Variants in CLDND1 observed in about 807,000 individuals in gnomAD.
CLDND1 encodes claudin domain-containing protein 1.
Under a neutral mutation model 26.3 loss-of-function variants are expected in CLDND1, and 13 were observed. The observed-to-expected ratio is 0.49, with a 90% CI of 0.32 to 0.78. The LOEUF is 0.78. Among genes scored for constraint, CLDND1 ranks in the 30% least tolerant of loss-of-function variants. The pLI is 0.03. For synonymous variants in CLDND1, 107 were observed against 107.0 expected (o/e 1.00, Z 0.00); for missense variants, 289 against 312.8 (o/e 0.92, Z 0.57).
At position 98,516,309 on chromosome 3, in the gene CLDND1, T is replaced by TA. The variant is rs1706134809; in HGVS notation, c.*349dup. 16 of 1,060,712 alleles carry TA rather than the reference T, an allele frequency of 1.5e-5. No homozygotes were observed. The highest frequency in any genetic ancestry group is 1.7e-5 in the Non-Finnish European group (15 of 877,166). 65.7% of individuals were successfully genotyped at this position (1,060,712 alleles called of 1,614,324 possible). Reference sequence around the variant, plus strand: ...AATATAGAGTTTTTAGTTGAACAGATACAGTTACTTTAGTTTTACTGAAAA... The same window carrying TA: ...AATATAGAGTTTTTAGTTGAACAGATAACAGTTACTTTAGTTTTACTGAAAA... On this transcript the variant is annotated 3_prime_UTR_variant, in exon 5 of 5. Transcript: ENST00000341181.
rs1004491109 is a variant in CLDND1 at position 98,515,766 on chromosome 3, T to C, written c.*893A>G. The C allele has an allele frequency of 7.8e-7, 1 of 1,289,826 alleles. No individual in the cohort carries two copies. The allele number at this position is 1,289,826 out of a possible 1,614,324, so 79.9% of individuals were successfully genotyped here. A position where few individuals can be genotyped will look rare whatever the true frequency, so the allele number is the denominator to read the frequency against. On this transcript the variant is annotated 3_prime_UTR_variant, in exon 5 of 5. Transcript: ENST00000341181. ...GGAGGTTAATGGACAGCCAGAACTT[T>C]AGATCTTGTGGTAGGTTTCCCAGCT...
In CLDND1 at chr3:98,516,287, A is replaced by G. The variant is rs941545567; in HGVS notation, c.*372T>C. On this transcript the variant is annotated 3_prime_UTR_variant, in exon 5 of 5. Transcript: ENST00000341181. The stretch of plus-strand genomic sequence containing the variant: ...TGAGAGGTTTCCCAAAGAAACTAAT[A>G]TAGAGTTTTTAGTTGAACAGATACA... 1 of 1,038,840 alleles carries G rather than the reference A, an allele frequency of 9.6e-7. No homozygotes were observed. The highest frequency in any genetic ancestry group is 1.7e-5 in the African/African-American group (1 of 57,952). 64.4% of individuals were successfully genotyped at this position (1,038,840 alleles called of 1,614,324 possible). A position where few individuals can be genotyped will look rare whatever the true frequency, so the allele number is the denominator to read the frequency against.
intron 1 of CLDND1, 101 bp from the exon 2 acceptor site, chr3:98,521,543 C>T (rs1041890438): frequency 1.4e-6 from 2 of 1,455,462 alleles, no homozygotes; most frequent in Non-Finnish European, 1.9e-6. Flanking sequence ...AATTCCCCAT[C>T]CCTTCGTACA....
chr3:98,520,594 C>T (rs1381994714), intron 2 of CLDND1: 1 of 150,886 alleles, frequency 6.6e-6, no homozygotes, highest in Non-Finnish European at 1.5e-5. Flanking sequence ...TTCTGTAATA[C>T]AAATTTCTTA....
chr3:98,521,015 A>C (rs1706384442), intron 2 of CLDND1, 118 bp downstream of exon 2: 2 of 837,468 alleles, frequency 2.4e-6, no homozygotes, highest in Non-Finnish European at 3.8e-6. Context: ...TACACGATTT[A>C]TTTCTTTAAG....
Position 98,515,624 on chromosome 3 carries a change from CATACTT to C in CLDND1, c.*1029_*1034del, listed in dbSNP as rs1025013817. On this transcript the variant is annotated 3_prime_UTR_variant, in exon 5 of 5. Transcript: ENST00000341181. ...TTTTTTAAAGTTCAATGTTTATAGA[CATACTT>C]ATAAAAAAATGACTGAATTAGAAGA... 1 of 1,121,410 alleles carries C rather than the reference CATACTT, an allele frequency of 8.9e-7. No homozygotes were observed. The highest frequency in any genetic ancestry group is 1.1e-6 in the Non-Finnish European group (1 of 896,432). 69.5% of individuals were successfully genotyped at this position (1,121,410 alleles called of 1,614,324 possible). A position where few individuals can be genotyped will look rare whatever the true frequency, so the allele number is the denominator to read the frequency against.
At chr3:98,520,184 A>G (rs2107152699) in intron 2 of CLDND1, among the ~76,000 whole-genome samples, 1 of 152,310 alleles carries the variant, frequency 6.6e-6, no homozygotes, top group South Asian at 2.1e-4. Context: ...CATGCAATAA[A>G]TTATTTGTTT....
At chr3:98,518,693 A>G in intron 3 of CLDND1, 192 bp downstream of exon 3, 1 of 550,060 alleles carries the variant, frequency 1.8e-6, no homozygotes, top group South Asian at 2.4e-5. Flanking sequence ...ACTTCAAATC[A>G]TTTGAAATTT....
chr3:98,518,720 C>T, intron 3 of CLDND1, 165 bp downstream of exon 3: 2 of 575,300 alleles, frequency 3.5e-6, no homozygotes, highest in South Asian at 2.2e-5. Flanking sequence ...CATGTATCTA[C>T]CTTCTAAAAT....
In CLDND1 at chr3:98,517,184, A is replaced by G. The variant is rs139492388; in HGVS notation, c.409T>C (p.Trp137Arg). The change falls in exon 4 of 5, where the codon TGG (tryptophan) becomes CGG (arginine). Residue 137 changes from tryptophan (W) to arginine (R), a missense_variant. Physicochemically the swap from Trp to Arg is moderately radical, Grantham distance 101. Transcript: ENST00000341181. ...AAAGGTAAAAGGAACTGGCAACGCC[A>G]AAGATCTGATTTTTAAAAAGAGAGA... is the stretch of plus-strand genomic sequence containing the variant. Reference protein sequence around the residue: ...SGIDLLRTYLWRCQFLLPFVS... With the variant: ...SGIDLLRTYLRRCQFLLPFVS... The G allele has an allele frequency of 6.2e-7, 1 of 1,609,302 alleles. No individual in the cohort carries two copies. Among genetic ancestry groups the G allele is most frequent in the African/African-American group, 1.3e-5 (1 of 74,594 alleles).
Position 98,516,506 on chromosome 3 carries a change from G to A in CLDND1, c.*153C>T. On this transcript the variant is annotated 3_prime_UTR_variant, in exon 5 of 5. Transcript: ENST00000341181. ...CATAAATTTTAGTGGTATTAAGTGT[G>A]TATTTAGTGGTGAATGTGTATAAAT... is the stretch of plus-strand genomic sequence containing the variant. 1 of 1,413,466 alleles carries A rather than the reference G, an allele frequency of 7.1e-7. No individual in the cohort carries two copies. The highest frequency in any genetic ancestry group is 1.6e-5 in the South Asian group (1 of 62,866). The allele number at this position is 1,413,466 out of a possible 1,614,324, so 87.6% of individuals were successfully genotyped here.
chr3:98,521,607 A>C (rs996790875), intron 1 of CLDND1, 165 bp from the exon 2 acceptor site: 1 of 1,568,282 alleles, frequency 6.4e-7, no homozygotes. Context: ...ATTAAGCTTA[A>C]AACAAAACTC....
At chr3:98,521,958 AAC>A (rs1433581739) in intron 1 of CLDND1, 1 of 453,948 alleles carries the variant, frequency 2.2e-6, no homozygotes, top group African/African-American at 2.0e-5. Flanking sequence ...CCATACAGAA[AAC>A]AGAGTTGAAG....
At chr3:98,522,689 C>T (rs1488138097) in intron 1 of CLDND1, 160 bp downstream of exon 1, 57 of 1,466,376 alleles carry the variant, frequency 3.9e-5, no homozygotes, top group Non-Finnish European at 5.0e-5. Flanking sequence ...CCCCGGTACC[C>T]GACCAGGCCC....
In CLDND1 at chr3:98,521,970, G is replaced by A. The variant is rs1451252909; in HGVS notation, c.-18-528C>T. ...GAGCCATACAGAAAACAGAGTTGAA[G>A]ATGTTTGTTAACCCCGAGGGAAAGG... On this transcript the variant is annotated intron_variant, in intron 1 of 4. Transcript: ENST00000341181. 8 of 431,074 alleles carry A rather than the reference G, an allele frequency of 1.9e-5. No homozygotes were observed. The East Asian group carries it at 2.2e-4, about 12-fold the overall frequency. The allele number at this position is 431,074 out of a possible 1,614,324, so 26.7% of individuals were successfully genotyped here.
Position 98,516,157 on chromosome 3 carries a change from T to C in CLDND1, c.*502A>G, listed in dbSNP as rs991528078. The stretch of plus-strand genomic sequence containing the variant: ...TGTCAATGCTTAGGGAAAATGATCT[T>C]AGATAATTTCCCAATTTTATAGAGC... On this transcript the variant is annotated 3_prime_UTR_variant, in exon 5 of 5. Coordinates refer to ENST00000341181, the MANE Select transcript of CLDND1 (RefSeq NM_001040181.2). The C allele has an allele frequency of 3.8e-6, 4 of 1,047,704 alleles. No individual in the cohort carries two copies. The African/African-American group carries it at 6.9e-5, about 18-fold the overall frequency. 64.9% of individuals were successfully genotyped at this position (1,047,704 alleles called of 1,614,324 possible). A position where few individuals can be genotyped will look rare whatever the true frequency, so the allele number is the denominator to read the frequency against.
intron 3 of CLDND1, chr3:98,517,424 C>T (rs1559653522): frequency 4.2e-6 from 2 of 476,200 alleles, no homozygotes; most frequent in Non-Finnish European, 7.4e-6. Context: ...ATGTTCCATG[C>T]TATGTTTGTC....
chr3:98,521,704 C>G, intron 1 of CLDND1: 1 of 1,612,336 alleles, frequency 6.2e-7, no homozygotes, highest in Non-Finnish European at 8.5e-7. Context: ...CACCTGCATA[C>G]TAAAACAGAC....
rs921894672 is a variant in CLDND1, at chr3:98,521,912, A to G, written c.-18-470T>C. ...TGGCTTCTCCCAGTTTCCTCTGAAG[A>G]GGGAAGCCTCCTAAAACAAAGGTAA... On this transcript the variant is annotated intron_variant, in intron 1 of 4. Coordinates refer to ENST00000341181, the MANE Select transcript of CLDND1 (RefSeq NM_001040181.2). 1.3e-4 allele frequency: 70 copies of G among 553,946 alleles called. No individual in the cohort carries two copies. The South Asian group carries it at 1.8e-3, about 14-fold the overall frequency. 34.3% of individuals were successfully genotyped at this position (553,946 alleles called of 1,614,324 possible). A position where few individuals can be genotyped will look rare whatever the true frequency, so the allele number is the denominator to read the frequency against.
Sources: gnomAD v4.1 joint callset for allele counts (sites outside exome capture counted in the v4.1 genomes callset) on GRCh38, gnomAD v4.1.1 for gene constraint, MANE v1.5 for transcripts, NCBI Gene and HGNC (gene_info 2026-07-23, HGNC 2026-07-21) for gene names.